AGAP1: variants seen among roughly 807,000 people sequenced by gnomAD.
AGAP1 encodes ArfGAP with GTPase domain, ankyrin repeat and PH domain 1, also known as arf-GAP with GTPase, ANK repeat and PH domain-containing protein 1.
Under a neutral mutation model 105.3 loss-of-function variants are expected in AGAP1, and 29 were observed. That is an observed-to-expected ratio of 0.28 (90% CI 0.21 to 0.38). The LOEUF is 0.38. Ranked by LOEUF, AGAP1 falls within the 10% of genes least tolerant of loss-of-function variation. The probability of loss-of-function intolerance (pLI) is 1.00; values close to 1 mark genes in which losing one functional copy is unlikely to be tolerated. For synonymous variants in AGAP1, 509 were observed against 485.9 expected (o/e 1.05, Z -0.63); for missense variants, 998 against 1,165.1 (o/e 0.86, Z 2.09).
intron 1 of AGAP1, among the ~76,000 whole-genome samples, chr2:235,696,627 G>A (rs955331167): frequency 2.0e-5 from 3 of 152,156 alleles, no homozygotes; most frequent in African/African-American, 7.2e-5. Context: ...ACAACCTGAT[G>A]GGCAGGATTT....
At chr2:235,602,888 G>C (rs1354071243) in intron 1 of AGAP1, among the ~76,000 whole-genome samples, 1 of 152,102 alleles carries the variant, frequency 6.6e-6, no homozygotes. Context: ...TTTTAGTAGA[G>C]AAGGGGTTTT....
At chr2:235,715,969 G>A (rs778767337) in intron 2 of AGAP1, among the ~76,000 whole-genome samples, 53 of 152,200 alleles carry the variant, frequency 3.5e-4, no homozygotes, top group Non-Finnish European at 6.3e-4. Context: ...CATAGGTGGC[G>A]TACGGATGTA....
intron 16 of AGAP1, among the ~76,000 whole-genome samples, chr2:236,064,954 T>C (rs191255339): frequency 2.2e-4 from 33 of 152,336 alleles, no homozygotes; most frequent in African/African-American, 7.9e-4. Context: ...TGTGTTACTT[T>C]TTCATTGTTT....
rs774822502 is a variant in AGAP1, at chr2:236,036,120, G to A, written c.1646-441G>A. 3.3e-5 allele frequency among the ~76,000 whole-genome samples: 5 copies of A among 152,148 alleles called. No individual in the cohort carries two copies. The highest frequency in any genetic ancestry group is 7.3e-5 in the Non-Finnish European group (5 of 68,040). On this transcript the variant is annotated intron_variant, in intron 13 of 17. Transcript: ENST00000304032. This position sits in a 1 kb window ranked among gnomAD's most constrained non-coding sequence, Gnocchi z 5.7. Reference sequence around the variant, plus strand: ...TGCCATAAAAGAACAGAACCTTCCCGCGTTCCTCTATCCATGGAGTGTCTG... The same window carrying A: ...TGCCATAAAAGAACAGAACCTTCCCACGTTCCTCTATCCATGGAGTGTCTG...
intron 1 of AGAP1, among the ~76,000 whole-genome samples, chr2:235,573,058 TTC>T (rs1370464919): frequency 1.3e-5 from 1 of 76,134 alleles, no homozygotes; most frequent in South Asian, 5.1e-4. Flanking sequence ...CTTCTTCTTC[TTC>T]TTTCTTCTTT....
rs1250443704 is a variant in AGAP1, at chr2:235,734,532, A to T, written c.311-6431A>T. ...TCATCCTTAGCTCAGGCATGAAAAA[A>T]AAAAAAAGAATAGTAAAAATTAAAA... On this transcript the variant is annotated intron_variant, in intron 3 of 17. Transcript: ENST00000304032. The surrounding 1 kb of genome is among the most constrained non-coding windows in gnomAD (Gnocchi z 5.3). 1.3e-5 allele frequency among the ~76,000 whole-genome samples: 2 copies of T among 152,214 alleles called. No individual in the cohort carries two copies. The highest frequency in any genetic ancestry group is 4.8e-5 in the African/African-American group (2 of 41,462).
intron 8 of AGAP1, among the ~76,000 whole-genome samples, chr2:235,805,135 T>C (rs1378931332): frequency 6.6e-6 from 1 of 152,252 alleles, no homozygotes; most frequent in Non-Finnish European, 1.5e-5. Context: ...ATCTTGCCAC[T>C]GTTCTTTCCC....
rs1266760026 is a variant in AGAP1, at chr2:236,050,975, C to G, written c.2114+1694C>G. ...TGAATTAAGTTCTTGAGTGCAGAGCCCTGTCTTTTTTCCAGTGTTACATAC... is the reference window on the plus strand; with the variant it reads ...TGAATTAAGTTCTTGAGTGCAGAGCGCTGTCTTTTTTCCAGTGTTACATAC... On this transcript the variant is annotated intron_variant, in intron 16 of 17. Transcript: ENST00000304032. The surrounding 1 kb of genome is among the most constrained non-coding windows in gnomAD (Gnocchi z 4.0). 6.6e-6 allele frequency among the ~76,000 whole-genome samples: 1 copy of G among 152,056 alleles called. No individual in the cohort carries two copies. The highest frequency in any genetic ancestry group is 1.5e-5 in the Non-Finnish European group (1 of 68,024).
intron 1 of AGAP1, among the ~76,000 whole-genome samples, chr2:235,590,690 T>TGC (rs1444799818): frequency 2.6e-5 from 3 of 114,104 alleles, no homozygotes; most frequent in Non-Finnish European, 3.8e-5. Context: ...TGTGTGCGTG[T>TGC]GCGTGTGTGT....
intron 12 of AGAP1, among the ~76,000 whole-genome samples, chr2:235,933,730 A>C (rs1281205102): frequency 6.6e-6 from 1 of 151,934 alleles, no homozygotes; most frequent in African/African-American, 2.4e-5. Context: ...ACGGGGTTTC[A>C]CCATGTTGGC....
chr2:235,783,263 A>G, intron 6 of AGAP1: 1 of 429,630 alleles, frequency 2.3e-6, no homozygotes, highest in Non-Finnish European at 4.7e-6. Flanking sequence ...AGTTGAATTT[A>G]TGGCCTGAAG....
At chr2:235,773,591 A>G (rs993674460) in intron 6 of AGAP1, among the ~76,000 whole-genome samples, 1 of 152,228 alleles carries the variant, frequency 6.6e-6, no homozygotes, top group African/African-American at 2.4e-5. Flanking sequence ...CTAGGAAGTC[A>G]GCGTGAATCG....
intron 6 of AGAP1, among the ~76,000 whole-genome samples, chr2:235,760,366 G>A (rs369717009): frequency 2.6e-5 from 4 of 152,328 alleles, no homozygotes; most frequent in East Asian, 1.9e-4. Context: ...GCGACAGAGC[G>A]AGACTCCGTC....
intron 6 of AGAP1, among the ~76,000 whole-genome samples, chr2:235,764,169 G>A (rs2696410): frequency 0.28 from 42,579 of 152,128 alleles, 6,285 homozygotes; most frequent in Admixed American, 0.41. Context: ...ATCGGCACAT[G>A]AGCACCTTAC....
rs960620336 is a variant in AGAP1 at position 235,703,502 on chromosome 2, C to T, written c.164-5677C>T. Among the ~76,000 whole-genome samples, 9 of 152,148 alleles carry T rather than the reference C, an allele frequency of 5.9e-5. No individual in the cohort carries two copies. The South Asian group carries it at 1.9e-3, about 32-fold the overall frequency. On this transcript the variant is annotated intron_variant, in intron 1 of 17. Transcript: ENST00000304032. ...TCCTGCCACCTCCTTGGCAGCATCT[C>T]CTTGGAACCTTACAGAAGCCTTAGG...
chr2:236,093,810 C>CA (rs1300234144), intron 16 of AGAP1, among the ~76,000 whole-genome samples: 3 of 152,032 alleles, frequency 2.0e-5, no homozygotes, highest in Non-Finnish European at 2.9e-5. Context: ...ATCACAATCC[C>CA]AAAAAATCAA....
chr2:235,757,146 G>A (rs1269039573), intron 6 of AGAP1, among the ~76,000 whole-genome samples: 2 of 152,192 alleles, frequency 1.3e-5, no homozygotes, highest in African/African-American at 4.8e-5. Context: ...GTAGTTGTTA[G>A]ACCAGGTCAA....
At chr2:235,945,258 G>C (rs544266844) in intron 12 of AGAP1, among the ~76,000 whole-genome samples, 1 of 151,980 alleles carries the variant, frequency 6.6e-6, no homozygotes, top group African/African-American at 2.4e-5. Flanking sequence ...CCGCCACCGC[G>C]CCCGGCTAAT....
rs1050622789 is a variant in AGAP1 at position 235,964,056 on chromosome 2, C to T, written c.1484-4406C>T. Among the ~76,000 whole-genome samples, 2 of 152,168 alleles carry T rather than the reference C, an allele frequency of 1.3e-5. No individual in the cohort carries two copies. The highest frequency in any genetic ancestry group is 4.8e-5 in the African/African-American group (2 of 41,434). On this transcript the variant is annotated intron_variant, in intron 12 of 17. Coordinates refer to ENST00000304032, the MANE Select transcript of AGAP1 (RefSeq NM_001037131.3). The surrounding 1 kb of genome is among the most constrained non-coding windows in gnomAD (Gnocchi z 4.6). The stretch of plus-strand genomic sequence containing the variant: ...GGGGAGGCGAGCACTGGTGGTTGCC[C>T]TGGGCACAGGCATGCTAGTTAGATT...
Sources: allele counts gnomAD v4.1 joint callset (sites outside exome capture counted in the v4.1 genomes callset), GRCh38; gene constraint gnomAD v4.1.1; non-coding constraint Gnocchi (gnomAD v3.1); transcripts MANE v1.5; gene names NCBI Gene and HGNC (gene_info 2026-07-23, HGNC 2026-07-21).